KAT6B: variants seen among roughly 807,000 people sequenced by gnomAD.
The protein encoded by KAT6B is lysine acetyltransferase 6B.
Under a neutral mutation model 187.5 loss-of-function variants are expected in KAT6B, and 10 were observed. The observed-to-expected ratio is 0.05, with a 90% CI of 0.03 to 0.09. The LOEUF is 0.09. Ranked by LOEUF, KAT6B falls within the 10% of genes least tolerant of loss-of-function variation. The pLI is 1.00. For missense variants in KAT6B, 1,952 were observed against 2,558.9 expected, an observed-to-expected ratio of 0.76 and a Z score of 5.12; for synonymous variants, 861 against 926.8, an observed-to-expected ratio of 0.93 and a Z score of 1.29.
chr10:74,893,962 C>G (rs7095910), intron 3 of KAT6B, among the ~76,000 whole-genome samples: 1 of 152,098 alleles, frequency 6.6e-6, no homozygotes, highest in Non-Finnish European at 1.5e-5. Context: ...TGAAATTTTA[C>G]TAGCTTGAAC....
chr10:74,880,231 T>G (rs368463682), intron 3 of KAT6B, among the ~76,000 whole-genome samples: 12 of 152,320 alleles, frequency 7.9e-5, no homozygotes, highest in African/African-American at 2.9e-4. Context: ...ACTGCCCATT[T>G]CCTGCTTCCT....
chr10:75,004,937 A>G (rs930306325), intron 13 of KAT6B, among the ~76,000 whole-genome samples: 1 of 150,672 alleles, frequency 6.6e-6, no homozygotes, highest in South Asian at 2.1e-4. Flanking sequence ...CTGGTTTCCA[A>G]CTCCTGGCTT....
intron 1 of KAT6B, among the ~76,000 whole-genome samples, chr10:74,830,731 CA>C (rs1442026332): frequency 5.8e-5 from 1 of 17,202 alleles, no homozygotes; most frequent in Non-Finnish European, 1.0e-4. Flanking sequence ...CACAGCTCTT[CA>C]TATATATATA....
At chr10:75,000,196 A>C (rs1843733569) in intron 13 of KAT6B, among the ~76,000 whole-genome samples, 1 of 151,762 alleles carries the variant, frequency 6.6e-6, no homozygotes, top group Non-Finnish European at 1.5e-5. Flanking sequence ...TTTTTAAAAC[A>C]AAGCAAAACA....
chr10:74,830,044 A>C (rs907085930), intron 1 of KAT6B, among the ~76,000 whole-genome samples: 3 of 151,834 alleles, frequency 2.0e-5, no homozygotes, highest in Non-Finnish European at 4.4e-5. Context: ...AAAAAAAGAA[A>C]AATATTTTAT....
At chr10:74,885,004 A>G (rs1845131932) in intron 3 of KAT6B, among the ~76,000 whole-genome samples, 3 of 152,306 alleles carry the variant, frequency 2.0e-5, no homozygotes, top group African/African-American at 4.8e-5. Flanking sequence ...AGCACTTAAA[A>G]TGTGGCTGAG....
chr10:75,007,275 CTAGTTACCA>C (rs1332963691), intron 13 of KAT6B, among the ~76,000 whole-genome samples: 1 of 151,986 alleles, frequency 6.6e-6, no homozygotes, highest in Non-Finnish European at 1.5e-5. Context: ...AGCACTGGAT[CTAGTTACCA>C]TTTTGCAAGA....
intron 13 of KAT6B, among the ~76,000 whole-genome samples, chr10:75,016,780 C>T (rs1845002066): frequency 6.6e-6 from 1 of 151,852 alleles, no homozygotes; most frequent in African/African-American, 2.4e-5. Context: ...GTTAGAGCAC[C>T]ATGGGAATCT....
At chr10:75,015,745 T>G (rs1054175595) in intron 13 of KAT6B, among the ~76,000 whole-genome samples, 1 of 152,324 alleles carries the variant, frequency 6.6e-6, no homozygotes, top group Non-Finnish European at 1.5e-5. Context: ...AGGTGTCTGA[T>G]GAAAAGTGTG....
At chr10:74,867,455 T>G (rs1327650322) in intron 3 of KAT6B, among the ~76,000 whole-genome samples, 1 of 152,204 alleles carries the variant, frequency 6.6e-6, no homozygotes, top group Non-Finnish European at 1.5e-5. Context: ...CTCAATTGAA[T>G]AAAACATATT....
chr10:74,941,819 C>T (rs957695395), intron 3 of KAT6B, among the ~76,000 whole-genome samples: 3 of 152,152 alleles, frequency 2.0e-5, no homozygotes, highest in Non-Finnish European at 4.4e-5. Context: ...CATCCCATTT[C>T]ACTTTATGAG....
Position 74,975,757 on chromosome 10 carries a change from T to C in KAT6B, c.1420T>C (p.Cys474Arg), listed in dbSNP as rs1327416118. The change falls in exon 8 of 18, where the codon TGC (cysteine) becomes CGC (arginine). Residue 474 changes from cysteine to arginine, a missense_variant. Cys to Arg is a radical substitution (Grantham distance 180). Around this residue, in one of 9 missense-constraint regions of KAT6B, gnomAD observed 417 missense variants for 508.9 expected, o/e 0.82. Transcript: ENST00000287239. ...PRKKVSQKQS[C>R]TSHVLATGTT... The stretch of plus-strand genomic sequence containing the variant: ...GAAAAAGGTCTCTCAGAAACAGTCA[T>C]GCACTTCTCATGTGTTGGCTACAGG... 1.9e-6 allele frequency: 3 copies of C among 1,614,190 alleles called. No individual in the cohort carries two copies. The highest frequency in any genetic ancestry group is 1.1e-5 in the South Asian group (1 of 91,086).
At chr10:74,919,550 T>C (rs1319074478) in intron 3 of KAT6B, among the ~76,000 whole-genome samples, 1 of 151,888 alleles carries the variant, frequency 6.6e-6, no homozygotes, top group Admixed American at 6.6e-5. Context: ...ACAGGTGTGC[T>C]CCACCACGCC....
At chr10:74,914,143 G>A (rs986704295) in intron 3 of KAT6B, among the ~76,000 whole-genome samples, 7 of 151,346 alleles carry the variant, frequency 4.6e-5, no homozygotes, top group Non-Finnish European at 7.4e-5. Flanking sequence ...CTGAGATCAC[G>A]CCAGTGCACT....
chr10:74,854,876 G>C (rs1017243428), intron 3 of KAT6B, among the ~76,000 whole-genome samples: 1 of 152,176 alleles, frequency 6.6e-6, no homozygotes. Context: ...AGCTCGACAG[G>C]CGTTACAGAA....
chr10:74,959,587 C>T (rs1301450283), intron 3 of KAT6B, among the ~76,000 whole-genome samples: 1 of 152,010 alleles, frequency 6.6e-6, no homozygotes, highest in Non-Finnish European at 1.5e-5. Context: ...GTCAGGAGAT[C>T]GAGACCATCC....
chr10:74,896,612 A>T (rs911642007), intron 3 of KAT6B, among the ~76,000 whole-genome samples: 3 of 152,218 alleles, frequency 2.0e-5, no homozygotes, highest in Non-Finnish European at 1.5e-5. Flanking sequence ...TTAAACGATT[A>T]TGGGTAGAAA....
intron 3 of KAT6B, among the ~76,000 whole-genome samples, chr10:74,887,147 A>T (rs181137538): frequency 6.6e-5 from 10 of 152,064 alleles, no homozygotes; most frequent in African/African-American, 2.2e-4. Context: ...GAGTTACCCA[A>T]TGCCCTGGGG....
chr10:74,864,848 A>G (rs947653186), intron 3 of KAT6B, among the ~76,000 whole-genome samples: 3 of 152,218 alleles, frequency 2.0e-5, no homozygotes, highest in African/African-American at 7.2e-5. Flanking sequence ...AGGCAGCCAC[A>G]CTTGGTGGTT....
Sources: gnomAD v4.1 joint callset for allele counts (sites outside exome capture counted in the v4.1 genomes callset) on GRCh38, gnomAD v4.1.1 for gene constraint, gnomAD v4.1.1 regional missense constraint, MANE v1.5 for transcripts, NCBI Gene and HGNC (gene_info 2026-07-23, HGNC 2026-07-21) for gene names.